The following IMMP2L variants were observed in gnomAD, a reference collection of about 807,000 sequenced individuals.
The protein encoded by IMMP2L is mitochondrial inner membrane protease subunit 2.
Under a neutral mutation model 19.3 loss-of-function variants are expected in IMMP2L, and 18 were observed. The observed-to-expected ratio is 0.93, with a 90% CI of 0.64 to 1.38. The LOEUF is 1.38. Ranked by LOEUF, IMMP2L falls within the 40% of genes most tolerant of loss-of-function variation. IMMP2L has a pLI of 0.00. For missense variants in IMMP2L, 233 were observed against 218.2 expected (o/e 1.07, Z -0.43); for synonymous variants, 76 against 73.0 (o/e 1.04, Z -0.21).
In IMMP2L at chr7:110,758,953, TCA is replaced by T. The variant is rs1225448711; in HGVS notation, c.409-95234_409-95233del. 6.6e-6 allele frequency among the ~76,000 whole-genome samples: 1 copy of T among 151,862 alleles called. No individual in the cohort carries two copies. Among genetic ancestry groups the T allele is most frequent in the Non-Finnish European group, 1.5e-5 (1 of 67,950 alleles). On this transcript the variant is annotated intron_variant, in intron 5 of 5. Coordinates refer to ENST00000405709, the MANE Select transcript of IMMP2L (RefSeq NM_032549.4). This position sits in a 1 kb window ranked among gnomAD's most constrained non-coding sequence, Gnocchi z 4.6. ...CTAGAAATGACCAGTGGAGATCTTT[TCA>T]CAGTCTGTTACCCGATTTTGTTAAC...
intron 3 of IMMP2L, among the ~76,000 whole-genome samples, chr7:111,305,083 T>C (rs1281994869): frequency 2.0e-5 from 3 of 152,102 alleles, no homozygotes; most frequent in Non-Finnish European, 2.9e-5. Flanking sequence ...TCTTGTTTTT[T>C]TGATGAGGTA....
chr7:110,930,829 T>A (rs1815391367), intron 4 of IMMP2L, among the ~76,000 whole-genome samples: 1 of 152,212 alleles, frequency 6.6e-6, no homozygotes, highest in African/African-American at 2.4e-5. Context: ...GAATGTGTTT[T>A]ATAGCTTCAA....
At chr7:111,281,515 C>G (rs1054124011) in intron 3 of IMMP2L, among the ~76,000 whole-genome samples, 1 of 152,056 alleles carries the variant, frequency 6.6e-6, no homozygotes, top group African/African-American at 2.4e-5. Context: ...ATAATTTAAC[C>G]TTTATTTTAT....
At chr7:111,316,410 C>G (rs1271341251) in intron 3 of IMMP2L, among the ~76,000 whole-genome samples, 1 of 152,000 alleles carries the variant, frequency 6.6e-6, no homozygotes, top group African/African-American at 2.4e-5. Flanking sequence ...TAAGAGCCAA[C>G]AAAGTAAAAT....
intron 3 of IMMP2L, among the ~76,000 whole-genome samples, chr7:111,298,376 G>A (rs748066484): frequency 2.8e-4 from 42 of 152,222 alleles, no homozygotes; most frequent in East Asian, 1.5e-3. Context: ...GGGAGGATCC[G>A]ATAAATTAAT....
At chr7:110,944,928 G>T (rs996185568) in intron 4 of IMMP2L, among the ~76,000 whole-genome samples, 7 of 151,848 alleles carry the variant, frequency 4.6e-5, no homozygotes, top group Admixed American at 1.3e-4. Context: ...TATAAATAAT[G>T]TTATAATTAA....
intron 3 of IMMP2L, among the ~76,000 whole-genome samples, chr7:111,144,878 A>G (rs1803302177): frequency 6.6e-6 from 1 of 152,174 alleles, no homozygotes; most frequent in Non-Finnish European, 1.5e-5. Context: ...CATTAAATAT[A>G]TAAATACAAA....
At chr7:110,892,399 T>A (rs1368610727) in intron 4 of IMMP2L, among the ~76,000 whole-genome samples, 6 of 152,010 alleles carry the variant, frequency 3.9e-5, no homozygotes, top group Admixed American at 3.3e-4. Flanking sequence ...CACTTCCCCA[T>A]CTCCCTTCCC....
At chr7:111,277,950 T>C (rs1167980753) in intron 3 of IMMP2L, among the ~76,000 whole-genome samples, 1 of 152,166 alleles carries the variant, frequency 6.6e-6, no homozygotes, top group African/African-American at 2.4e-5. Flanking sequence ...TGGGTGGAAC[T>C]GAAGGCCATT....
intron 3 of IMMP2L, among the ~76,000 whole-genome samples, chr7:111,107,320 G>A (rs190778696): frequency 1.8e-4 from 27 of 151,868 alleles, no homozygotes; most frequent in African/African-American, 4.8e-4. Context: ...ATATTACAAC[G>A]CCAGCCCTAC....
intron 3 of IMMP2L, among the ~76,000 whole-genome samples, chr7:111,485,592 T>C (rs1842569476): frequency 1.0e-5 from 1 of 98,476 alleles, no homozygotes; most frequent in Non-Finnish European, 1.9e-5. Flanking sequence ...AGCGAGACTC[T>C]GTTTCAAAAA....
At chr7:111,072,547 C>CA (rs111388342) in intron 3 of IMMP2L, among the ~76,000 whole-genome samples, 19,344 of 142,474 alleles carry the variant, frequency 0.14, 1,686 homozygotes, top group African/African-American at 0.25. Context: ...CCACAAAACT[C>CA]AAAAAAAAAA....
At chr7:110,943,427 T>C (rs1219515243) in intron 4 of IMMP2L, among the ~76,000 whole-genome samples, 3 of 152,026 alleles carry the variant, frequency 2.0e-5, no homozygotes, top group Non-Finnish European at 2.9e-5. Flanking sequence ...GACAGAGGGA[T>C]AGGTGAGTAC....
intron 4 of IMMP2L, among the ~76,000 whole-genome samples, chr7:110,902,154 T>G (rs1811940744): frequency 6.6e-6 from 1 of 151,900 alleles, no homozygotes; most frequent in Admixed American, 6.6e-5. Context: ...GATTAAAATT[T>G]TAAGTATGAC....
At chr7:111,104,190 A>G (rs184254686) in intron 3 of IMMP2L, among the ~76,000 whole-genome samples, 134 of 151,740 alleles carry the variant, frequency 8.8e-4, no homozygotes, top group African/African-American at 3.2e-3. Flanking sequence ...TGCCTTTACT[A>G]TTCGCATCTT....
intron 3 of IMMP2L, among the ~76,000 whole-genome samples, chr7:111,148,050 C>G (rs146895541): frequency 1.6e-4 from 24 of 152,182 alleles, no homozygotes; most frequent in African/African-American, 5.1e-4. Flanking sequence ...GCTAAACCCT[C>G]TACACCAGTG....
At chr7:111,533,248 C>T (rs181784271) in intron 1 of IMMP2L, among the ~76,000 whole-genome samples, 23 of 152,226 alleles carry the variant, frequency 1.5e-4, no homozygotes, top group African/African-American at 5.5e-4. Context: ...GCAAATGGAA[C>T]TGCGATCTCA....
chr7:111,016,623 T>C (rs1309999198), intron 3 of IMMP2L, among the ~76,000 whole-genome samples: 2 of 103,212 alleles, frequency 1.9e-5, no homozygotes, highest in East Asian at 2.6e-4. Context: ...AATATATACA[T>C]ATATATAATG....
rs555002204 is a variant in IMMP2L at position 111,464,604 on chromosome 7, T to A, written c.239+22634A>T. Among the ~76,000 whole-genome samples the A allele has an allele frequency of 6.4e-4, 98 of 152,284 alleles. 3 individuals carry two copies. The South Asian group carries it at 0.019, about 30-fold the overall frequency. ...AATCTATATAAAGTGCTTAGAACAA[T>A]ACCTGGCTTGTAGTAAGTGTTCTAT... is the stretch of plus-strand genomic sequence containing the variant. On this transcript the variant is annotated intron_variant, in intron 3 of 5. Coordinates refer to ENST00000405709, the MANE Select transcript of IMMP2L (RefSeq NM_032549.4).
Sources: gnomAD v4.1 joint callset for allele counts (sites outside exome capture counted in the v4.1 genomes callset) on GRCh38, gnomAD v4.1.1 for gene constraint, Gnocchi (gnomAD v3.1) non-coding constraint, MANE v1.5 for transcripts, NCBI Gene and HGNC (gene_info 2026-07-23, HGNC 2026-07-21) for gene names.